The following PTER variants were observed in gnomAD, a reference collection of about 807,000 sequenced individuals.
The protein encoded by PTER is phosphotriesterase related.
PTER carries 38 observed loss-of-function variants against 29.6 expected under a neutral mutation model. The observed-to-expected ratio is 1.28, with a 90% CI of 0.99 to 1.68. The LOEUF is 1.68. PTER is among the 40% of genes most tolerant of loss of function. The probability of loss-of-function intolerance (pLI) is 0.00; values close to 1 mark genes in which losing one functional copy is unlikely to be tolerated. For synonymous variants in PTER, 172 were observed against 154.5 expected (o/e 1.11, Z -0.84); for missense variants, 482 against 427.8 (o/e 1.13, Z -1.12).
chr10:16,463,662 C>T lies in PTER; in HGVS notation c.-48-20675C>T, dbSNP rs549127217. Among the ~76,000 whole-genome samples, 31 of 152,042 alleles carry T rather than the reference C, an allele frequency of 2.0e-4. No homozygotes were observed. The South Asian group carries it at 4.8e-3, about 24-fold the overall frequency. On this transcript the variant is annotated intron_variant, in intron 1 of 4. Transcript: ENST00000535784. ...AACTCCTGACCTCAGGTGATCCGCT[C>T]ATCTCGGCTTCCCAAACTGCTGGGA...
intron 3 of PTER, among the ~76,000 whole-genome samples, chr10:16,499,158 A>G (rs1365608007): frequency 2.0e-5 from 3 of 152,198 alleles, no homozygotes; most frequent in Non-Finnish European, 4.4e-5. Context: ...AGATGGGGAC[A>G]GTCACACCTT....
At position 16,513,688 on chromosome 10, in the gene PTER, CA is replaced by C. The variant is rs1194785737; in HGVS notation, c.*2436del. The C allele has an allele frequency of 6.6e-6, 1 of 152,548 alleles. No homozygotes were observed. Among genetic ancestry groups the C allele is most frequent in the Non-Finnish European group, 1.5e-5 (1 of 67,996 alleles). 9.4% of individuals were successfully genotyped at this position (152,548 alleles called of 1,614,324 possible). ...GAATAATCTTTTCTTCCAAAGATGG[CA>C]AAAGCCTCGGTTTGATTTGATACTA... is the stretch of plus-strand genomic sequence containing the variant. On this transcript the variant is annotated 3_prime_UTR_variant, in exon 5 of 5. Transcript: ENST00000535784.
chr10:16,517,822 T>C (rs1564417624), downstream of PTER, among the ~76,000 whole-genome samples: 2 of 152,238 alleles, frequency 1.3e-5, no homozygotes, highest in Non-Finnish European at 2.9e-5. Flanking sequence ...GTTCTCGTAA[T>C]TTCATTTTCA....
chr10:16,444,065 G>A (rs1252580491), intron 1 of PTER, among the ~76,000 whole-genome samples: 4 of 150,048 alleles, frequency 2.7e-5, no homozygotes, highest in Non-Finnish European at 5.9e-5. Context: ...GCATTGGCGC[G>A]ATCTCGGCTG....
At position 16,511,959 on chromosome 10, in the gene PTER, T is replaced by C. The variant is rs1052709; in HGVS notation, c.*703T>C. On this transcript the variant is annotated 3_prime_UTR_variant, in exon 5 of 5. Coordinates refer to ENST00000535784, the MANE Select transcript of PTER (RefSeq NM_001261836.2). The stretch of plus-strand genomic sequence containing the variant: ...ACATAACACTACTGAATTATAAAAA[T>C]TCAATCATAAAAGTCAAAATATATT... 19,770 of 152,406 alleles carry C rather than the reference T, an allele frequency of 0.13. 1,696 individuals carry two copies. The highest frequency in any genetic ancestry group is 0.24 in the African/African-American group (9,831 of 41,416). The allele number at this position is 152,406 out of a possible 1,614,324, so 9.4% of individuals were successfully genotyped here. A position where few individuals can be genotyped will look rare whatever the true frequency, so the allele number is the denominator to read the frequency against.
intron 1 of PTER, among the ~76,000 whole-genome samples, chr10:16,452,054 CAAT>C (rs1834229051): frequency 6.6e-6 from 1 of 152,044 alleles, no homozygotes; most frequent in Non-Finnish European, 1.5e-5. Flanking sequence ...CCATCCTAAA[CAAT>C]AATATCTATG....
intron 3 of PTER, among the ~76,000 whole-genome samples, chr10:16,501,391 C>T (rs1378007814): frequency 1.3e-5 from 2 of 148,286 alleles, no homozygotes; most frequent in African/African-American, 4.9e-5. Context: ...ACACACACAC[C>T]CCATAGTAAG....
chr10:16,446,312 G>A lies in PTER; in HGVS notation c.-49+9265G>A, dbSNP rs937831201. Among the ~76,000 whole-genome samples the A allele has an allele frequency of 4.6e-5, 7 of 151,366 alleles. No individual in the cohort carries two copies. The South Asian group carries it at 1.0e-3, about 23-fold the overall frequency. ...CTAACTGCAACCTCCACCACCTCCC[G>A]GGTTCAAGTGATTCTTGTGCCTCAG... On this transcript the variant is annotated intron_variant, in intron 1 of 4. Coordinates refer to ENST00000535784, the MANE Select transcript of PTER (RefSeq NM_001261836.2).
At chr10:16,502,988 CAAA>C (rs61446204) in intron 3 of PTER, among the ~76,000 whole-genome samples, 1 of 41,356 alleles carries the variant, frequency 2.4e-5, no homozygotes, top group Non-Finnish European at 4.8e-5. Context: ...GACTCTGTCT[CAAA>C]AAAAAAAAAA....
At chr10:16,470,669 G>A (rs1835013880) in intron 1 of PTER, among the ~76,000 whole-genome samples, 2 of 152,276 alleles carry the variant, frequency 1.3e-5, no homozygotes, top group Admixed American at 1.3e-4. Flanking sequence ...TTGGGAGGCT[G>A]AGGCAGGAGA....
At position 16,462,853 on chromosome 10, in the gene PTER, G is replaced by A. The variant is rs142145917; in HGVS notation, c.-48-21484G>A. On this transcript the variant is annotated intron_variant, in intron 1 of 4. Transcript: ENST00000535784. Reference sequence around the variant, plus strand: ...CCCAAAGTGCTGGGATTACAGGCATGAGCCACCATGCCCGGCCACATAATC... The same window carrying A: ...CCCAAAGTGCTGGGATTACAGGCATAAGCCACCATGCCCGGCCACATAATC... Among the ~76,000 whole-genome samples, 737 of 151,814 alleles carry A rather than the reference G, an allele frequency of 4.9e-3. 8 individuals are homozygous for A. Among genetic ancestry groups the A allele is most frequent in the African/African-American group, 0.017 (689 of 41,494 alleles).
At chr10:16,494,905 T>G (rs187592884) in intron 3 of PTER, among the ~76,000 whole-genome samples, 2 of 152,170 alleles carry the variant, frequency 1.3e-5, no homozygotes, top group East Asian at 3.9e-4. Flanking sequence ...GTTTTAAAAT[T>G]ATGTTAATAT....
intron 3 of PTER, among the ~76,000 whole-genome samples, chr10:16,495,316 G>A (rs917666647): frequency 2.6e-5 from 4 of 151,928 alleles, no homozygotes; most frequent in East Asian, 3.9e-4. Flanking sequence ...GATTACAAGC[G>A]TGCACTACCA....
intron 1 of PTER, among the ~76,000 whole-genome samples, chr10:16,452,583 A>G (rs143175919): frequency 1.1e-3 from 169 of 151,996 alleles, no homozygotes; most frequent in Non-Finnish European, 1.9e-3. Flanking sequence ...ATTTACAGGC[A>G]TGAACTACTG....
intron 3 of PTER, among the ~76,000 whole-genome samples, chr10:16,497,118 A>G (rs1390173481): frequency 6.6e-6 from 1 of 152,028 alleles, no homozygotes; most frequent in African/African-American, 2.4e-5. Flanking sequence ...TATTTTTAGT[A>G]GAGACGAGGT....
At chr10:16,460,681 A>C (rs1834578547) in intron 1 of PTER, among the ~76,000 whole-genome samples, 1 of 152,134 alleles carries the variant, frequency 6.6e-6, no homozygotes, top group South Asian at 2.1e-4. Context: ...TTTTTTATTT[A>C]AGAAATGTAT....
At chr10:16,450,154 C>T (rs754464623) in intron 1 of PTER, among the ~76,000 whole-genome samples, 13 of 152,172 alleles carry the variant, frequency 8.5e-5, no homozygotes, top group Admixed American at 3.3e-4. Context: ...ATGTAGCGCA[C>T]CCCCTCATGG....
rs532653786 is a variant in PTER, at chr10:16,462,919, C to T, written c.-48-21418C>T. ...CTCCTTAAGATTGATGGCTGCCGGGCGTGGTGAGTCACGCCTGTAACCCCA... is the reference window on the plus strand; with the variant it reads ...CTCCTTAAGATTGATGGCTGCCGGGTGTGGTGAGTCACGCCTGTAACCCCA... On this transcript the variant is annotated intron_variant, in intron 1 of 4. Transcript: ENST00000535784. 8.0e-5 allele frequency among the ~76,000 whole-genome samples: 12 copies of T among 149,886 alleles called. No individual in the cohort carries two copies. The South Asian group carries it at 2.0e-3, about 25-fold the overall frequency.
chr10:16,488,850 C>T (rs538574638), intron 3 of PTER, among the ~76,000 whole-genome samples: 1 of 152,264 alleles, frequency 6.6e-6, no homozygotes, highest in South Asian at 2.1e-4. Context: ...GCAAGTCACT[C>T]GTCTTGGCCT....
Sources: allele counts gnomAD v4.1 joint callset (sites outside exome capture counted in the v4.1 genomes callset), GRCh38; gene constraint gnomAD v4.1.1; transcripts MANE v1.5; gene names NCBI Gene and HGNC (gene_info 2026-07-23, HGNC 2026-07-21).